Variants in ATF7IP2 observed in about 807,000 individuals in gnomAD.
ATF7IP2 encodes the protein activating transcription factor 7 interacting protein 2.
Under a neutral mutation model 64.2 loss-of-function variants are expected in ATF7IP2, and 42 were observed. That is an observed-to-expected ratio of 0.65 (90% CI 0.51 to 0.85). The LOEUF (loss-of-function observed/expected upper bound fraction) is 0.85, where lower values mean the gene tolerates loss of function less well. ATF7IP2 is among the 40% of genes least tolerant of loss of function. The pLI, the probability that ATF7IP2 is intolerant of heterozygous loss-of-function variation, is 0.00. For synonymous variants in ATF7IP2, 308 were observed against 272.8 expected (o/e 1.13, Z -1.27); for missense variants, 933 against 784.2 (o/e 1.19, Z -2.27).
In ATF7IP2 at chr16:10,473,996, G is replaced by A; in HGVS notation, c.1549+7G>A. ...CTATCCAACTGCAATACAGGTAAAA[G>A]GATTTTTTAGATCTTTCTTTTGTAA... On this transcript the variant is annotated splice_region_variant and intron_variant, in intron 12 of 13. Coordinates refer to ENST00000562102, the MANE Select transcript of ATF7IP2 (RefSeq NM_001393719.1). 1 of 1,561,428 alleles carries A rather than the reference G, an allele frequency of 6.4e-7. No individual in the cohort carries two copies. Among genetic ancestry groups the A allele is most frequent in the Non-Finnish European group, 8.8e-7 (1 of 1,140,624 alleles).
At position 10,459,715 on chromosome 16, in the gene ATF7IP2, T is replaced by A. The variant is rs138195340; in HGVS notation, c.1352+2186T>A. 1.6e-4 allele frequency among the ~76,000 whole-genome samples: 25 copies of A among 152,290 alleles called. No individual in the cohort carries two copies. The East Asian group carries it at 4.8e-3, about 29-fold the overall frequency. ...ACCATTATCAACTCACAACTCACTA[T>A]AGATGCAGGACTTGATAAAATACCC... On this transcript the variant is annotated intron_variant, in intron 9 of 13. Coordinates refer to ENST00000562102, the MANE Select transcript of ATF7IP2 (RefSeq NM_001393719.1).
intron 8 of ATF7IP2, chr16:10,448,732 A>T (rs2048891336): frequency 6.6e-6 from 1 of 152,128 alleles, no homozygotes; most frequent in African/African-American, 2.4e-5. Context: ...TTCTAAATCT[A>T]AAAATTGCAT....
intron 6 of ATF7IP2, among the ~76,000 whole-genome samples, chr16:10,436,667 T>A (rs138915293): frequency 6.6e-6 from 1 of 152,260 alleles, no homozygotes; most frequent in Non-Finnish European, 1.5e-5. Context: ...ATTTTGAGCA[T>A]CATGAAGCAA....
intron 9 of ATF7IP2, among the ~76,000 whole-genome samples, chr16:10,461,314 C>T (rs576611060): frequency 6.6e-6 from 1 of 152,150 alleles, no homozygotes; most frequent in South Asian, 2.1e-4. Flanking sequence ...TATGAATATC[C>T]TTTGACCTAG....
chr16:10,426,159 G>A (rs1179605213), intron 3 of ATF7IP2, among the ~76,000 whole-genome samples: 1 of 152,164 alleles, frequency 6.6e-6, no homozygotes, highest in Non-Finnish European at 1.5e-5. Context: ...TTGAGAAAAT[G>A]TAATTTCATC....
At chr16:10,438,773 G>A (rs930840935) in intron 7 of ATF7IP2, among the ~76,000 whole-genome samples, 1 of 152,024 alleles carries the variant, frequency 6.6e-6, no homozygotes, top group African/African-American at 2.4e-5. Context: ...AGGCAGCTTC[G>A]GCCAGGCGCG....
At chr16:10,440,299 C>T in intron 7 of ATF7IP2, 65 bp from the exon 8 acceptor site, 7 of 718,450 alleles carry the variant, frequency 9.7e-6, no homozygotes, top group Non-Finnish European at 1.3e-5. Context: ...AATAATTTAC[C>T]CTCTATCTCT....
chr16:10,456,782 G>C (rs2049184706), intron 8 of ATF7IP2, among the ~76,000 whole-genome samples: 1 of 152,102 alleles, frequency 6.6e-6, no homozygotes, highest in African/African-American at 2.4e-5. Context: ...GGAATTGGGG[G>C]GTTAGCCACC....
chr16:10,411,670 A>G (rs555714207), intron 1 of ATF7IP2, among the ~76,000 whole-genome samples: 4 of 152,126 alleles, frequency 2.6e-5, no homozygotes, highest in South Asian at 2.1e-4. Context: ...CGCCTGGCCT[A>G]TGTTGGCAAT....
At chr16:10,471,913 T>C (rs2049814107) in intron 9 of ATF7IP2, 197 bp from the exon 10 acceptor site, 2 of 394,832 alleles carry the variant, frequency 5.1e-6, no homozygotes, top group South Asian at 5.0e-5. Flanking sequence ...TTTTGATGAA[T>C]CTTTAGTCAT....
intron 9 of ATF7IP2, chr16:10,471,826 A>G (rs746563834): frequency 4.4e-5 from 9 of 203,428 alleles, no homozygotes; most frequent in South Asian, 1.5e-4. Flanking sequence ...TTATACATTT[A>G]TGTCCATTGT....
At chr16:10,466,016 T>G (rs2049556863) in intron 9 of ATF7IP2, among the ~76,000 whole-genome samples, 1 of 152,184 alleles carries the variant, frequency 6.6e-6, no homozygotes, top group Admixed American at 6.5e-5. Context: ...ACCAATGGCA[T>G]CCAGCCTGCC....
chr16:10,414,034 T>C (rs1401288475), intron 1 of ATF7IP2, among the ~76,000 whole-genome samples: 1 of 152,242 alleles, frequency 6.6e-6, no homozygotes, highest in East Asian at 1.9e-4. Flanking sequence ...CATCTTAACT[T>C]TAGATAATCT....
Position 10,424,544 on chromosome 16 carries a change from G to A in ATF7IP2, c.-159-4324G>A, listed in dbSNP as rs1567443936. On this transcript the variant is annotated intron_variant, in intron 3 of 13. Transcript: ENST00000562102. ...TTTTCAAAGCATACCATCAAGGAAT[G>A]GGAAAGACAATCCATATAATGCGAG... is the stretch of plus-strand genomic sequence containing the variant. Among the ~76,000 whole-genome samples, 5 of 152,248 alleles carry A rather than the reference G, an allele frequency of 3.3e-5. No individual in the cohort carries two copies. The East Asian group carries it at 7.7e-4, about 23-fold the overall frequency.
At chr16:10,445,311 G>A (rs1218521883) in intron 8 of ATF7IP2, 12 of 151,938 alleles carry the variant, frequency 7.9e-5, no homozygotes, top group Admixed American at 7.9e-4. Context: ...TCTTTTTTCA[G>A]TGGAAGAGAA....
intron 3 of ATF7IP2, among the ~76,000 whole-genome samples, chr16:10,427,246 TAC>T (rs1359898870): frequency 6.6e-6 from 1 of 152,192 alleles, no homozygotes; most frequent in Admixed American, 6.5e-5. Flanking sequence ...CAGGAATTTT[TAC>T]AGACAAGTAA....
chr16:10,461,477 T>G (rs977358561), intron 9 of ATF7IP2, among the ~76,000 whole-genome samples: 1 of 152,070 alleles, frequency 6.6e-6, no homozygotes, highest in African/African-American at 2.4e-5. Flanking sequence ...GAAAAAGAAA[T>G]TACCCTAAAT....
Position 10,438,193 on chromosome 16 carries a change from A to G in ATF7IP2, c.1053A>G (p.Thr351=). 1.2e-6 allele frequency: 2 copies of G among 1,606,150 alleles called. No individual in the cohort carries two copies. The highest frequency in any genetic ancestry group is 1.7e-4 in the Middle Eastern group (1 of 6,040). Residue 351 remains threonine, a synonymous_variant, in exon 7 of 14, where the codon ACA becomes ACG. Coordinates refer to ENST00000562102, the MANE Select transcript of ATF7IP2 (RefSeq NM_001393719.1). ...AATTGAACCAACGCATTGGGAAGACAGAGTGCAGAAATAAGCATGAAGGAA... is the reference window on the plus strand; with the variant it reads ...AATTGAACCAACGCATTGGGAAGACGGAGTGCAGAAATAAGCATGAAGGAA... ...LKELNQRIGK[T]ECRNKHEGIA... is the part of the protein sequence containing the mutation.
At chr16:10,467,440 T>C (rs1567171008) in intron 9 of ATF7IP2, among the ~76,000 whole-genome samples, 1 of 152,180 alleles carries the variant, frequency 6.6e-6, no homozygotes, top group Non-Finnish European at 1.5e-5. Flanking sequence ...TTACTTAAAA[T>C]TTTCTTACAG....
Sources: allele counts gnomAD v4.1 joint callset (sites outside exome capture counted in the v4.1 genomes callset), GRCh38; gene constraint gnomAD v4.1.1; transcripts MANE v1.5; gene names NCBI Gene and HGNC (gene_info 2026-07-23, HGNC 2026-07-21).